Variants in GLIS1 observed in about 807,000 individuals in gnomAD.
GLIS1 encodes GLIS family zinc finger 1.
Under a neutral mutation model 63.8 loss-of-function variants are expected in GLIS1, and 24 were observed. The observed-to-expected ratio is 0.38, with a 90% CI of 0.27 to 0.53. The LOEUF is 0.53. GLIS1 is among the 20% of genes least tolerant of loss of function. The probability of loss-of-function intolerance (pLI) is 0.85; values close to 1 mark genes in which losing one functional copy is unlikely to be tolerated. For missense variants in GLIS1, 1,036 were observed against 1,074.1 expected (o/e 0.96, Z 0.50); for synonymous variants, 450 against 482.5 (o/e 0.93, Z 0.88).
At chr1:53,662,343 G>C (rs1184933000) in intron 2 of GLIS1, among the ~76,000 whole-genome samples, 1 of 152,202 alleles carries the variant, frequency 6.6e-6, no homozygotes, top group Non-Finnish European at 1.5e-5. Context: ...CAAGAGAAAT[G>C]CATCCCTTGC....
intron 2 of GLIS1, among the ~76,000 whole-genome samples, chr1:53,665,185 G>T (rs1646077987): frequency 6.6e-6 from 1 of 152,172 alleles, no homozygotes; most frequent in African/African-American, 2.4e-5. Context: ...AAATGGGTCA[G>T]ATTTGGCCTG....
intron 2 of GLIS1, among the ~76,000 whole-genome samples, chr1:53,644,511 T>C (rs1645821375): frequency 6.6e-6 from 1 of 152,028 alleles, no homozygotes; most frequent in Non-Finnish European, 1.5e-5. Flanking sequence ...ATAACAAACA[T>C]GATCAATAGG....
chr1:53,678,783 AG>A (rs2100420696), intron 2 of GLIS1, among the ~76,000 whole-genome samples: 1 of 152,302 alleles, frequency 6.6e-6, no homozygotes, highest in South Asian at 2.1e-4. Flanking sequence ...AGCCTGGGGA[AG>A]GGGGAAAGGT....
At chr1:53,597,423 C>T (rs1275209533) in intron 3 of GLIS1, among the ~76,000 whole-genome samples, 3 of 150,730 alleles carry the variant, frequency 2.0e-5, no homozygotes, top group Non-Finnish European at 4.4e-5. Flanking sequence ...GTAAGCACAC[C>T]ACCATTGTTT....
chr1:53,621,837 G>A lies in GLIS1; in HGVS notation c.260-21559C>T, dbSNP rs535563392. Among the ~76,000 whole-genome samples, 6 of 151,252 alleles carry A rather than the reference G, an allele frequency of 4.0e-5. No homozygotes were observed. In the South Asian group the frequency reaches 8.4e-4, roughly 21 times the overall value. On this transcript the variant is annotated intron_variant, in intron 2 of 10. Coordinates refer to ENST00000628545, the MANE Select transcript of GLIS1 (RefSeq NM_001367484.1). Reference sequence around the variant, plus strand: ...CAGAAAAATTTTTTTTTTTTGAGACGGAGTCTCACTCTCGCCAGGTTGGAG... The same window carrying A: ...CAGAAAAATTTTTTTTTTTTGAGACAGAGTCTCACTCTCGCCAGGTTGGAG...
chr1:53,729,754 C>T (rs1254886937), intron 2 of GLIS1, among the ~76,000 whole-genome samples: 1 of 152,152 alleles, frequency 6.6e-6, no homozygotes, highest in Non-Finnish European at 1.5e-5. Flanking sequence ...TTGCTTTAGG[C>T]ATCTGACATT....
chr1:53,508,070 C>T (rs763497825), intron 10 of GLIS1, among the ~76,000 whole-genome samples: 3 of 152,232 alleles, frequency 2.0e-5, no homozygotes, highest in Non-Finnish European at 4.4e-5. Flanking sequence ...CACAAGCACA[C>T]GTCTGTGGAA....
At chr1:53,599,528 T>TA (rs1170119034) in intron 3 of GLIS1, among the ~76,000 whole-genome samples, 3 of 152,260 alleles carry the variant, frequency 2.0e-5, no homozygotes, top group African/African-American at 7.2e-5. Flanking sequence ...CTTTATAAAT[T>TA]ACCCAGTGCC....
chr1:53,738,098 G>T lies in GLIS1; in HGVS notation c.-34C>A. 1 of 1,228,140 alleles carries T rather than the reference G, an allele frequency of 8.1e-7. No individual in the cohort carries two copies. Among genetic ancestry groups the T allele is most frequent in the Non-Finnish European group, 1.0e-6 (1 of 985,236 alleles). 76.1% of individuals were successfully genotyped at this position (1,228,140 alleles called of 1,614,324 possible). On this transcript the variant is annotated 5_prime_UTR_variant, in exon 2 of 11. Coordinates refer to ENST00000628545, the MANE Select transcript of GLIS1 (RefSeq NM_001367484.1). ...GGCGGGGCGCACGGCTGGGGGTCGCGCCGGGCTCCTGGGGAGGGGAGACAG... is the reference window on the plus strand; with the variant it reads ...GGCGGGGCGCACGGCTGGGGGTCGCTCCGGGCTCCTGGGGAGGGGAGACAG...
At chr1:53,544,017 C>T (rs577844780) in intron 4 of GLIS1, among the ~76,000 whole-genome samples, 4 of 152,258 alleles carry the variant, frequency 2.6e-5, no homozygotes, top group South Asian at 4.1e-4. Flanking sequence ...CGGGAGGAGC[C>T]GTTCTGGGGC....
chr1:53,551,090 G>A (rs919148954), intron 4 of GLIS1, among the ~76,000 whole-genome samples: 14 of 152,126 alleles, frequency 9.2e-5, no homozygotes, highest in East Asian at 3.9e-4. Flanking sequence ...CAGGTAATCC[G>A]CCCACCTTGG....
intron 2 of GLIS1, among the ~76,000 whole-genome samples, chr1:53,632,068 G>T (rs1645658513): frequency 6.6e-6 from 1 of 151,084 alleles, no homozygotes; most frequent in Admixed American, 6.6e-5. Context: ...TGTGCGGGAT[G>T]TGTGAATGAG....
chr1:53,532,625 G>T (rs1432922353), intron 4 of GLIS1, among the ~76,000 whole-genome samples: 4 of 152,246 alleles, frequency 2.6e-5, no homozygotes. Context: ...TCACCCCAAC[G>T]TGAGATGGGG....
chr1:53,725,701 G>T (rs1456061689), intron 2 of GLIS1, among the ~76,000 whole-genome samples: 3 of 152,142 alleles, frequency 2.0e-5, no homozygotes, highest in Non-Finnish European at 2.9e-5. Context: ...GATAAATATG[G>T]ATAAACCAAC....
In GLIS1 at chr1:53,577,244, C is replaced by T. The variant is rs368270124; in HGVS notation, c.1320+16864G>A. On this transcript the variant is annotated intron_variant, in intron 4 of 10. Coordinates refer to ENST00000628545, the MANE Select transcript of GLIS1 (RefSeq NM_001367484.1). ...CCCTGGGGCCCTCTGGCTGACACCTCCCTATTCAGCATGCCCCAGATCAAG... is the reference window on the plus strand; with the variant it reads ...CCCTGGGGCCCTCTGGCTGACACCTTCCTATTCAGCATGCCCCAGATCAAG... Among the ~76,000 whole-genome samples, 7 of 152,178 alleles carry T rather than the reference C, an allele frequency of 4.6e-5. No homozygotes were observed. In the South Asian group the frequency reaches 8.3e-4, roughly 18 times the overall value.
intron 2 of GLIS1, among the ~76,000 whole-genome samples, chr1:53,614,241 T>C (rs915491478): frequency 1.3e-5 from 2 of 152,122 alleles, no homozygotes; most frequent in African/African-American, 2.4e-5. Flanking sequence ...TACTGTAATA[T>C]CAGGAACTGA....
intron 2 of GLIS1, among the ~76,000 whole-genome samples, chr1:53,698,492 A>G (rs12041221): frequency 0.25 from 38,198 of 152,160 alleles, 5,146 homozygotes; most frequent in African/African-American, 0.35. Flanking sequence ...CTGCCTAGTC[A>G]GCAGGTCATC....
At chr1:53,517,602 A>G (rs1644365395) in intron 7 of GLIS1, among the ~76,000 whole-genome samples, 1 of 151,012 alleles carries the variant, frequency 6.6e-6, no homozygotes, top group Non-Finnish European at 1.5e-5. Flanking sequence ...ATTACCCTGG[A>G]TCTGCTCAGG....
chr1:53,624,097 T>A (rs551195661), intron 2 of GLIS1, among the ~76,000 whole-genome samples: 23 of 152,300 alleles, frequency 1.5e-4, no homozygotes, highest in Middle Eastern at 3.4e-3. Context: ...AAAACAATAT[T>A]GAAAATTAAG....
Sources: allele counts gnomAD v4.1 joint callset (sites outside exome capture counted in the v4.1 genomes callset), GRCh38; gene constraint gnomAD v4.1.1; transcripts MANE v1.5; gene names NCBI Gene and HGNC (gene_info 2026-07-23, HGNC 2026-07-21).